The following MS4A5 variants were observed in gnomAD, a reference collection of about 807,000 sequenced individuals.
MS4A5 encodes the protein membrane-spanning 4-domains subfamily A member 5.
Under a neutral mutation model 18.2 loss-of-function variants are expected in MS4A5, and 15 were observed. The ratio of observed to expected loss-of-function variants is 0.83; its 90% CI spans 0.55 to 1.27. The LOEUF (loss-of-function observed/expected upper bound fraction) is 1.27, where lower values mean the gene tolerates loss of function less well. MS4A5 is among the 50% of genes most tolerant of loss of function. The pLI, the probability that MS4A5 is intolerant of heterozygous loss-of-function variation, is 0.00. For synonymous variants in MS4A5, 89 were observed against 78.7 expected (o/e 1.13, Z -0.69); for missense variants, 232 against 225.7 (o/e 1.03, Z -0.18).
chr11:60,438,090 A>G (rs2086090759), intron 4 of MS4A5, among the ~76,000 whole-genome samples: 1 of 152,080 alleles, frequency 6.6e-6, no homozygotes. Context: ...ACCACAGTGC[A>G]ATCAAACTAG....
intron 4 of MS4A5, among the ~76,000 whole-genome samples, chr11:60,441,890 G>T (rs1329574391): frequency 6.6e-6 from 1 of 152,094 alleles, no homozygotes; most frequent in African/African-American, 2.4e-5. Context: ...CGTATAATAG[G>T]GGACTTTCTA....
intron 4 of MS4A5, among the ~76,000 whole-genome samples, chr11:60,441,581 C>G (rs1335905813): frequency 5.4e-5 from 8 of 146,870 alleles, no homozygotes; most frequent in Non-Finnish European, 7.4e-5. Context: ...CTCTTATTAT[C>G]TGTCAGTCTG....
chr11:60,447,728 C>G lies in MS4A5; in HGVS notation c.572C>G (p.Ser191Ter). The change falls in exon 5 of 5, where the codon TCA (serine) becomes TGA (stop). Residue 191 changes from serine (S) to a stop codon, truncating the protein, a stop_gained. Coordinates refer to ENST00000300190, the MANE Select transcript of MS4A5 (RefSeq NM_023945.3). LOFTEE classifies it low-confidence loss of function (END_TRUNC). ...SLPFSILGCH[S>*]EDCDCEQCC ...CCTTTCTCAATTTTGGGGTGCCACT[C>G]AGAGGATTGTGATTGTGAACAATGT... 9 of 1,599,518 alleles carry G rather than the reference C, an allele frequency of 5.6e-6. No homozygotes were observed. Among genetic ancestry groups the G allele is most frequent in the Non-Finnish European group, 7.7e-6 (9 of 1,174,734 alleles).
At chr11:60,444,068 A>G (rs900565966) in intron 4 of MS4A5, among the ~76,000 whole-genome samples, 1 of 152,168 alleles carries the variant, frequency 6.6e-6, no homozygotes, top group Admixed American at 6.5e-5. Flanking sequence ...ACAACACCAA[A>G]CTGAATACTT....
intron 4 of MS4A5, chr11:60,435,568 G>A (rs1053306322): frequency 3.0e-6 from 1 of 335,488 alleles, no homozygotes; most frequent in Non-Finnish European, 5.8e-6. Flanking sequence ...AGGTCAGTGG[G>A]TGCGTGCACC....
intron 4 of MS4A5, among the ~76,000 whole-genome samples, chr11:60,439,348 C>T (rs1199015172): frequency 1.5e-5 from 1 of 66,716 alleles, no homozygotes; most frequent in Non-Finnish European, 2.9e-5. Flanking sequence ...GGAAGCATTC[C>T]CTTTGAAAAC....
chr11:60,438,102 A>G (rs1332275159), intron 4 of MS4A5, among the ~76,000 whole-genome samples: 2 of 152,050 alleles, frequency 1.3e-5, no homozygotes, highest in African/African-American at 2.4e-5. Flanking sequence ...TCAAACTAGA[A>G]CTCAGGATTA....
At chr11:60,444,520 C>A (rs1048583512) in intron 4 of MS4A5, among the ~76,000 whole-genome samples, 17 of 152,032 alleles carry the variant, frequency 1.1e-4, no homozygotes, top group South Asian at 2.1e-4. Flanking sequence ...CTATATATAT[C>A]TCTCTCTCAC....
chr11:60,440,433 A>C (rs1238147519), intron 4 of MS4A5, among the ~76,000 whole-genome samples: 2 of 125,314 alleles, frequency 1.6e-5, no homozygotes, highest in African/African-American at 5.6e-5. Flanking sequence ...AATGGGATCT[A>C]ATTAAACTAA....
chr11:60,444,891 T>A (rs1337850740), intron 4 of MS4A5, among the ~76,000 whole-genome samples: 1 of 152,258 alleles, frequency 6.6e-6, no homozygotes, highest in Non-Finnish European at 1.5e-5. Flanking sequence ...ATACACCTAC[T>A]TTATGTCTCA....
rs1272871346 is a variant in MS4A5 at position 60,433,922 on chromosome 11, G to C, written c.492+5G>C. ...GCTGTTACTGTCCTGTTCTTGGTAA[G>C]TATGTTGCATTTATAGAGTGATGAG... On this transcript the variant is annotated splice_donor_5th_base_variant and intron_variant, in intron 4 of 4. Transcript: ENST00000300190. The C allele has an allele frequency of 1.2e-6, 2 of 1,613,120 alleles. No individual in the cohort carries two copies.
chr11:60,442,180 C>T (rs892369941), intron 4 of MS4A5, among the ~76,000 whole-genome samples: 25 of 151,940 alleles, frequency 1.6e-4, no homozygotes, highest in African/African-American at 6.0e-4. Flanking sequence ...TGTCAACTGA[C>T]ATTTTTAATT....
chr11:60,444,306 A>T (rs1327873931), intron 4 of MS4A5, among the ~76,000 whole-genome samples: 1 of 152,212 alleles, frequency 6.6e-6, no homozygotes, highest in East Asian at 1.9e-4. Flanking sequence ...TTCACATTCA[A>T]ACATCAATCA....
intron 4 of MS4A5, chr11:60,435,582 C>G (rs145659333): frequency 2.7e-5 from 8 of 300,536 alleles, no homozygotes; most frequent in Admixed American, 2.3e-4. Flanking sequence ...GTGCACCCTG[C>G]GCGAGCCGAA....
At chr11:60,446,733 CAAA>C (rs1210889276) in intron 4 of MS4A5, among the ~76,000 whole-genome samples, 3 of 114,244 alleles carry the variant, frequency 2.6e-5, no homozygotes, top group Admixed American at 9.1e-5. Flanking sequence ...AACTCCGTCT[CAAA>C]AAAAAAAAAA....
chr11:60,435,874 C>A (rs1004759048), intron 4 of MS4A5, among the ~76,000 whole-genome samples: 1 of 152,218 alleles, frequency 6.6e-6, no homozygotes, highest in Non-Finnish European at 1.5e-5. Flanking sequence ...CGCCATTGCC[C>A]AGGCTTGCTT....
intron 4 of MS4A5, among the ~76,000 whole-genome samples, chr11:60,444,437 A>T (rs1419319740): frequency 6.6e-6 from 1 of 152,156 alleles, no homozygotes; most frequent in African/African-American, 2.4e-5. Context: ...AAAACATAAA[A>T]GGGACTAAAT....
In MS4A5 at chr11:60,430,921, T is replaced by A. The variant is rs781043426; in HGVS notation, c.279T>A (p.Val93=). Residue 93 remains valine, a synonymous_variant, in exon 2 of 5, where the codon GTT becomes GTA. Transcript: ENST00000300190. ...FLSGYPFWGS[V]LFINSGAFLI... Reference sequence around the variant, plus strand: ...CAGGATATCCATTCTGGGGCTCTGTTTTGGTGAGTATAGTCAATCAAGTTC... The same window carrying A: ...CAGGATATCCATTCTGGGGCTCTGTATTGGTGAGTATAGTCAATCAAGTTC... 1 of 1,611,594 alleles carries A rather than the reference T, an allele frequency of 6.2e-7. No homozygotes were observed. The highest frequency in any genetic ancestry group is 8.5e-7 in the Non-Finnish European group (1 of 1,179,642).
At chr11:60,436,147 A>AC (rs966708670) in intron 4 of MS4A5, among the ~76,000 whole-genome samples, 3 of 151,350 alleles carry the variant, frequency 2.0e-5, no homozygotes, top group Non-Finnish European at 3.0e-5. Flanking sequence ...ACTGGGAGGC[A>AC]CCCCCCAGCA....
Sources: gnomAD v4.1 joint callset for allele counts (sites outside exome capture counted in the v4.1 genomes callset) on GRCh38, gnomAD v4.1.1 for gene constraint, MANE v1.5 for transcripts, NCBI Gene and HGNC (gene_info 2026-07-23, HGNC 2026-07-21) for gene names.